The following AHDC1 variants were observed in gnomAD, a reference collection of about 807,000 sequenced individuals.
The protein encoded by AHDC1 is AT-hook DNA binding motif containing 1.
AHDC1 carries 7 observed loss-of-function variants against 87.9 expected under a neutral mutation model. The observed-to-expected ratio is 0.08, with a 90% CI of 0.05 to 0.15. The LOEUF (loss-of-function observed/expected upper bound fraction) is 0.15. AHDC1 is among the 10% of genes least tolerant of loss of function. The pLI, the probability that AHDC1 is intolerant of heterozygous loss-of-function variation, is 1.00. For missense variants in AHDC1, 1,841 were observed against 2,253.2 expected, an observed-to-expected ratio of 0.82 and a Z score of 3.70; for synonymous variants, 1,051 against 1,006.8, an observed-to-expected ratio of 1.04 and a Z score of -0.83.
intron 3 of AHDC1, among the ~76,000 whole-genome samples, chr1:27,564,442 C>A (rs2148360940): frequency 6.6e-6 from 1 of 152,340 alleles, no homozygotes; most frequent in East Asian, 1.9e-4. Flanking sequence ...CTCATCTGTA[C>A]AAAAGGGACA....
In AHDC1 at chr1:27,562,101, G is replaced by A. The variant is rs535664418; in HGVS notation, c.-628-3218C>T. Among the ~76,000 whole-genome samples, 4 of 152,220 alleles carry A rather than the reference G, an allele frequency of 2.6e-5. No individual in the cohort carries two copies. The highest frequency in any genetic ancestry group is 1.9e-4 in the East Asian group (1 of 5,178). On this transcript the variant is annotated intron_variant, in intron 3 of 8. Transcript: ENST00000673934. The surrounding 1 kb of genome is among the most constrained non-coding windows in gnomAD (Gnocchi z 4.4). ...TGCAGGAGCCTGAGAAAGAGGCAGC[G>A]AAGCAGAGGCAGGGTGGGCCGGGGA...
rs912537295 is a variant in AHDC1 at position 27,552,896 on chromosome 1, G to C, written c.-79C>G. On this transcript the variant is annotated 5_prime_UTR_variant, in exon 7 of 9. Transcript: ENST00000673934. ...AGGAGAACCCCCACCACTCACCCTC[G>C]GCTCTGCCGCCTGGGCTGTCACACT... 2 of 152,706 alleles carry C rather than the reference G, an allele frequency of 1.3e-5. No homozygotes were observed. The highest frequency in any genetic ancestry group is 1.9e-4 in the East Asian group (1 of 5,204). The allele number at this position is 152,706 out of a possible 1,614,324, so 9.5% of individuals were successfully genotyped here.
Position 27,547,747 on chromosome 1 carries a change from CGTA to C in AHDC1, c.4366_4368del (p.Tyr1456del), listed in dbSNP as rs2019253062. The stretch of plus-strand genomic sequence containing the variant: ...GCTGTGCCCTTGCAGCTGGGGGAAT[CGTA>C]GTGGGGCTGGCCCAGCGGCAGGTCC... On this transcript the variant is annotated inframe_deletion, in exon 8 of 9. Transcript: ENST00000673934. The surrounding 1 kb of genome is among the most constrained non-coding windows in gnomAD (Gnocchi z 4.9). 1 of 1,591,518 alleles carries C rather than the reference CGTA, an allele frequency of 6.3e-7. No individual in the cohort carries two copies. Among genetic ancestry groups the C allele is most frequent in the Non-Finnish European group, 8.6e-7 (1 of 1,166,910 alleles).
At chr1:27,586,229 T>C (rs528525363) in intron 3 of AHDC1, among the ~76,000 whole-genome samples, 46 of 152,276 alleles carry the variant, frequency 3.0e-4, no homozygotes, top group African/African-American at 1.1e-3. Context: ...AGGCCCCTCA[T>C]TGCCACAGTC....
intron 3 of AHDC1, among the ~76,000 whole-genome samples, chr1:27,592,189 G>A (rs1226260962): frequency 1.3e-5 from 2 of 152,202 alleles, no homozygotes; most frequent in Admixed American, 6.5e-5. Flanking sequence ...GTCTATGTGT[G>A]TGCACACGCA....
chr1:27,534,606 C>T lies in AHDC1; in HGVS notation c.*354G>A, dbSNP rs1018933485. 3 of 151,760 alleles carry T rather than the reference C, an allele frequency of 2.0e-5. No homozygotes were observed. Among genetic ancestry groups the T allele is most frequent in the South Asian group, 2.1e-4 (1 of 4,800 alleles). 9.4% of individuals were successfully genotyped at this position (151,760 alleles called of 1,614,324 possible). A position where few individuals can be genotyped will look rare whatever the true frequency, so the allele number is the denominator to read the frequency against. On this transcript the variant is annotated 3_prime_UTR_variant, in exon 9 of 9. Coordinates refer to ENST00000673934, the MANE Select transcript of AHDC1 (RefSeq NM_001371928.1). ...ATACTTGCAGGGGCTCTGGACACCT[C>T]GGGGCCCCGCTCGCAACCTCTTGCA...
chr1:27,560,638 A>G lies in AHDC1; in HGVS notation c.-628-1755T>C, dbSNP rs1289455378. ...TCAGTATGTGCTCGTGTGTGTGTCC[A>G]TGCATGTGTGGATTTGTGTGACCTT... On this transcript the variant is annotated intron_variant, in intron 3 of 8. Coordinates refer to ENST00000673934, the MANE Select transcript of AHDC1 (RefSeq NM_001371928.1). The surrounding 1 kb of genome is among the most constrained non-coding windows in gnomAD (Gnocchi z 4.1). 1.3e-5 allele frequency among the ~76,000 whole-genome samples: 2 copies of G among 151,924 alleles called. No homozygotes were observed. Among genetic ancestry groups the G allele is most frequent in the Non-Finnish European group, 2.9e-5 (2 of 67,958 alleles).
At chr1:27,602,822 C>T (rs1237538381) in intron 3 of AHDC1, among the ~76,000 whole-genome samples, 1 of 152,168 alleles carries the variant, frequency 6.6e-6, no homozygotes, top group Non-Finnish European at 1.5e-5. Context: ...GCCCCACACC[C>T]CCTCCGGGTC....
At chr1:27,602,033 C>T (rs2089543096) in intron 3 of AHDC1, among the ~76,000 whole-genome samples, 1 of 152,184 alleles carries the variant, frequency 6.6e-6, no homozygotes, top group African/African-American at 2.4e-5. Flanking sequence ...CCAAGGGTCC[C>T]TCCTTGTGCT....
At chr1:27,556,645 A>T (rs1000321325) in intron 5 of AHDC1, among the ~76,000 whole-genome samples, 1 of 152,110 alleles carries the variant, frequency 6.6e-6, no homozygotes, top group Non-Finnish European at 1.5e-5. Context: ...GCATCATTTA[A>T]ATAGAGGCAC....
intron 8 of AHDC1, among the ~76,000 whole-genome samples, chr1:27,544,532 G>A (rs567050099): frequency 1.1e-3 from 171 of 152,334 alleles, no homozygotes; most frequent in African/African-American, 3.7e-3. Context: ...TCCAGTGCCT[G>A]GCGTCAAAAC....
Position 27,548,916 on chromosome 1 carries a change from C to T in AHDC1, c.3200G>A (p.Gly1067Asp). The change falls in exon 8 of 9, where the codon GGC becomes GAC. Residue 1067 changes from glycine (G) to aspartate (D), a missense_variant. Gly to Asp is a moderately conservative substitution (Grantham distance 94). Transcript: ENST00000673934. ...TGTGGTGCCCTTGGGTACCATGTAG[C>T]CACCGGGCGAGACTGTGCTGGCCCG... The part of the protein sequence containing the change: ...DSRASTVSPG[G>D]YMVPKGTTAS... 1 of 1,601,842 alleles carries T rather than the reference C, an allele frequency of 6.2e-7. No individual in the cohort carries two copies. The highest frequency in any genetic ancestry group is 8.5e-7 in the Non-Finnish European group (1 of 1,174,358).
At chr1:27,603,143 A>ACCCCCCCCCCCCCCCCC (rs1156376060) in intron 3 of AHDC1, among the ~76,000 whole-genome samples, 2 of 110,424 alleles carry the variant, frequency 1.8e-5, no homozygotes, top group Non-Finnish European at 3.9e-5. Context: ...AAACCCGAGA[A>ACCCCCCCCCCCCCCCCC]CCCCCCCTCC....
intron 8 of AHDC1, among the ~76,000 whole-genome samples, chr1:27,539,128 TTTTTC>T (rs995780051): frequency 2.6e-5 from 4 of 151,178 alleles, no homozygotes; most frequent in Admixed American, 6.6e-5. Flanking sequence ...AGAGAAGCTT[TTTTTC>T]TTTTCTTTTT....
At position 27,549,919 on chromosome 1, in the gene AHDC1, C is replaced by T. The variant is rs543652040; in HGVS notation, c.2197G>A (p.Ala733Thr). 1.9e-5 allele frequency: 30 copies of T among 1,613,446 alleles called. No homozygotes were observed. The highest frequency in any genetic ancestry group is 3.3e-5 in the Admixed American group (2 of 59,948). The change falls in exon 8 of 9, where the codon GCT becomes ACT. Residue 733 changes from alanine to threonine, a missense_variant. By Grantham distance (58) the Ala-to-Thr change is moderately conservative. Coordinates refer to ENST00000673934, the MANE Select transcript of AHDC1 (RefSeq NM_001371928.1). ...TTGCGCTTTGGCTTCCCAGTCACAG[C>T]GTCTACCTCCCCCCGGCCCCGTTTG... ...PRKRGRGEVD[A>T]VTGKPKRKRR...
rs1006571182 is a variant in AHDC1, at chr1:27,561,315, T to A, written c.-628-2432A>T. Among the ~76,000 whole-genome samples, 2 of 150,876 alleles carry A rather than the reference T, an allele frequency of 1.3e-5. No individual in the cohort carries two copies. The highest frequency in any genetic ancestry group is 1.3e-4 in the Admixed American group (2 of 15,136). On this transcript the variant is annotated intron_variant, in intron 3 of 8. Transcript: ENST00000673934. This position sits in a 1 kb window ranked among gnomAD's most constrained non-coding sequence, Gnocchi z 4.2. ...ATATGGTGGTGGTGGGTGGGAGGAG[T>A]CTGCATGGGGTCTGCCTGGCCCTGA... is the stretch of plus-strand genomic sequence containing the variant.
chr1:27,535,993 C>A (rs569049151), intron 8 of AHDC1, among the ~76,000 whole-genome samples: 188 of 152,156 alleles, frequency 1.2e-3, no homozygotes, highest in Middle Eastern at 3.4e-3. Flanking sequence ...CTCAGAGCCC[C>A]GAGACACACA....
chr1:27,592,372 C>A (rs1364655883), intron 3 of AHDC1, among the ~76,000 whole-genome samples: 1 of 152,136 alleles, frequency 6.6e-6, no homozygotes, highest in East Asian at 1.9e-4. Flanking sequence ...ATCACCTGCA[C>A]CACCTGTCAC....
Position 27,565,187 on chromosome 1 carries a change from C to G in AHDC1, c.-628-6304G>C, listed in dbSNP as rs2020265588. On this transcript the variant is annotated intron_variant, in intron 3 of 8. Coordinates refer to ENST00000673934, the MANE Select transcript of AHDC1 (RefSeq NM_001371928.1). The surrounding 1 kb of genome is among the most constrained non-coding windows in gnomAD (Gnocchi z 4.6). ...TGCCAGCTTTGTTCCCCCCACCCACCCGCCGAGGGGGCCCAGCATGCCTTG... is the reference window on the plus strand; with the variant it reads ...TGCCAGCTTTGTTCCCCCCACCCACGCGCCGAGGGGGCCCAGCATGCCTTG... Among the ~76,000 whole-genome samples, 2 of 152,150 alleles carry G rather than the reference C, an allele frequency of 1.3e-5. No homozygotes were observed. Among genetic ancestry groups the G allele is most frequent in the African/African-American group, 4.8e-5 (2 of 41,430 alleles).
Sources: gnomAD v4.1 joint callset for allele counts (sites outside exome capture counted in the v4.1 genomes callset) on GRCh38, gnomAD v4.1.1 for gene constraint, Gnocchi (gnomAD v3.1) non-coding constraint, MANE v1.5 for transcripts, NCBI Gene and HGNC (gene_info 2026-07-23, HGNC 2026-07-21) for gene names.